NOL4: variants seen among roughly 807,000 people sequenced by gnomAD.
The protein encoded by NOL4 is nucleolar protein 4, also known as cancer/testis antigen 125.
In NOL4, 17 loss-of-function variants were observed where a neutral mutation model predicts 75.9. That is an observed-to-expected ratio of 0.22 (90% CI 0.15 to 0.34). The LOEUF is 0.34. NOL4 is among the 10% of genes least tolerant of loss of function. NOL4 has a pLI of 1.00. For synonymous variants in NOL4, 292 were observed against 289.9 expected, an observed-to-expected ratio of 1.01 and a Z score of -0.07; for missense variants, 614 against 793.5, an observed-to-expected ratio of 0.77 and a Z score of 2.72.
At chr18:34,140,490 T>A (rs952162737) in intron 1 of NOL4, among the ~76,000 whole-genome samples, 17 of 152,164 alleles carry the variant, frequency 1.1e-4, no homozygotes, top group African/African-American at 4.1e-4. Flanking sequence ...TATCAGAGAC[T>A]AGGATTGCAA....
chr18:34,217,653 C>T (rs948750214), intron 1 of NOL4, among the ~76,000 whole-genome samples: 1 of 151,876 alleles, frequency 6.6e-6, no homozygotes, highest in Non-Finnish European at 1.5e-5. Context: ...ATAATTACAT[C>T]GTGATTTTCA....
intron 5 of NOL4, among the ~76,000 whole-genome samples, chr18:34,067,917 T>C (rs907549720): frequency 1.3e-5 from 2 of 152,096 alleles, no homozygotes; most frequent in African/African-American, 2.4e-5. Flanking sequence ...CATCAGTGCA[T>C]AGGCAGTAGT....
At chr18:34,074,778 T>G (rs1307379587) in intron 5 of NOL4, among the ~76,000 whole-genome samples, 2 of 152,124 alleles carry the variant, frequency 1.3e-5, no homozygotes, top group African/African-American at 4.8e-5. Flanking sequence ...AATAAAGTAG[T>G]ATTTCTGTTA....
chr18:34,053,602 T>TTA (rs2076714701), intron 5 of NOL4, among the ~76,000 whole-genome samples: 1 of 151,940 alleles, frequency 6.6e-6, no homozygotes, highest in Non-Finnish European at 1.5e-5. Context: ...CCCTCTCTAT[T>TTA]ATCACTCTAC....
intron 1 of NOL4, among the ~76,000 whole-genome samples, chr18:34,208,200 A>G (rs1367624575): frequency 6.6e-6 from 1 of 152,084 alleles, no homozygotes; most frequent in Non-Finnish European, 1.5e-5. Flanking sequence ...TTACCCTGCT[A>G]TTGTTTGTTT....
At chr18:33,903,376 C>A (rs1026462635) in intron 9 of NOL4, among the ~76,000 whole-genome samples, 2 of 152,082 alleles carry the variant, frequency 1.3e-5, no homozygotes, top group Non-Finnish European at 2.9e-5. Flanking sequence ...ATGGGGATTA[C>A]AATTCAAGAT....
At chr18:33,933,952 G>T (rs1047508129) in intron 9 of NOL4, among the ~76,000 whole-genome samples, 24 of 152,058 alleles carry the variant, frequency 1.6e-4, no homozygotes, top group African/African-American at 5.8e-4. Context: ...GGAATCACTA[G>T]CGATGGCAGC....
intron 1 of NOL4, among the ~76,000 whole-genome samples, chr18:34,168,399 TCA>T (rs1397027130): frequency 6.6e-6 from 1 of 151,562 alleles, no homozygotes; most frequent in East Asian, 1.9e-4. Flanking sequence ...ATTTTACCAT[TCA>T]CAGACTTTAA....
At chr18:34,137,844 T>A (rs1338904677) in intron 1 of NOL4, among the ~76,000 whole-genome samples, 3 of 149,132 alleles carry the variant, frequency 2.0e-5, no homozygotes, top group Non-Finnish European at 4.5e-5. Context: ...AAGGAATAAG[T>A]TCACCCAAAA....
At chr18:33,876,705 C>T (rs1567991153) in intron 10 of NOL4, among the ~76,000 whole-genome samples, 1 of 151,894 alleles carries the variant, frequency 6.6e-6, no homozygotes, top group Non-Finnish European at 1.5e-5. Flanking sequence ...TTTGGAATTC[C>T]CAGAATTTAT....
intron 6 of NOL4, among the ~76,000 whole-genome samples, chr18:33,965,251 G>A (rs1034179013): frequency 4.6e-5 from 7 of 152,168 alleles, no homozygotes; most frequent in African/African-American, 1.7e-4. Flanking sequence ...AAAGCAGGAG[G>A]ATTGCTTGAG....
chr18:34,205,228 G>A (rs920183227), intron 1 of NOL4, among the ~76,000 whole-genome samples: 2 of 152,094 alleles, frequency 1.3e-5, no homozygotes, highest in Admixed American at 6.6e-5. Context: ...AGACCTGAAG[G>A]AATGTTGATG....
intron 1 of NOL4, among the ~76,000 whole-genome samples, chr18:34,174,445 T>C (rs1437410313): frequency 6.6e-6 from 1 of 152,130 alleles, no homozygotes; most frequent in Non-Finnish European, 1.5e-5. Flanking sequence ...AACCTAAAAA[T>C]TTGGGGTGTT....
chr18:33,877,640 A>C (rs188393305), intron 10 of NOL4, among the ~76,000 whole-genome samples: 1 of 152,002 alleles, frequency 6.6e-6, no homozygotes, highest in African/African-American at 2.4e-5. Context: ...GTTTTTGGGG[A>C]GAAACATACA....
intron 1 of NOL4, among the ~76,000 whole-genome samples, chr18:34,171,642 G>C (rs1441985071): frequency 2.0e-5 from 3 of 152,122 alleles, no homozygotes; most frequent in Non-Finnish European, 4.4e-5. Flanking sequence ...ATTGGGCCTA[G>C]TGTGAAGGGA....
intron 5 of NOL4, among the ~76,000 whole-genome samples, chr18:34,093,138 C>A (rs890213501): frequency 6.6e-6 from 1 of 151,964 alleles, no homozygotes; most frequent in Non-Finnish European, 1.5e-5. Flanking sequence ...AATGACAGCC[C>A]AAGAAATCAA....
At chr18:33,920,306 T>C (rs1055367314) in intron 9 of NOL4, among the ~76,000 whole-genome samples, 1 of 152,176 alleles carries the variant, frequency 6.6e-6, no homozygotes, top group East Asian at 1.9e-4. Context: ...CCCAAATCTT[T>C]AAATAAATAA....
intron 6 of NOL4, among the ~76,000 whole-genome samples, chr18:33,962,745 G>GAATAATGCCATT (rs1178998779): frequency 1.2e-4 from 19 of 152,174 alleles, no homozygotes; most frequent in Admixed American, 3.3e-4. Flanking sequence ...AATGTAATAA[G>GAATAATGCCATT]CATAATATAT....
chr18:34,000,250 AGCTGGCCAGTT>A (rs2073603028), intron 6 of NOL4, among the ~76,000 whole-genome samples: 1 of 152,068 alleles, frequency 6.6e-6, no homozygotes, highest in South Asian at 2.1e-4. Context: ...CCTGCTCAGG[AGCTGGCCAGTT>A]GCTCAGAGTG....
Sources: allele counts gnomAD v4.1 joint callset (sites outside exome capture counted in the v4.1 genomes callset), GRCh38; gene constraint gnomAD v4.1.1; transcripts MANE v1.5; gene names NCBI Gene and HGNC (gene_info 2026-07-23, HGNC 2026-07-21).